Variants in KMT2C observed in about 807,000 individuals in gnomAD.
KMT2C encodes the protein histone-lysine N-methyltransferase 2C.
Under a neutral mutation model 507.9 loss-of-function variants are expected in KMT2C, and 88 were observed. That is an observed-to-expected ratio of 0.17 (90% CI 0.15 to 0.21). KMT2C has a LOEUF of 0.21. Among genes scored for constraint, KMT2C ranks in the 10% least tolerant of loss-of-function variants. The pLI is 1.00. For synonymous variants in KMT2C, 2,049 were observed against 2,080.8 expected (o/e 0.98, Z 0.42); for missense variants, 4,954 against 5,957.8 (o/e 0.83, Z 5.55).
intron 2 of KMT2C, among the ~76,000 whole-genome samples, chr7:152,337,172 A>C (rs2129216725): frequency 6.6e-6 from 1 of 152,320 alleles, no homozygotes; most frequent in Non-Finnish European, 1.5e-5. Flanking sequence ...CAGGAGGCTG[A>C]GGTGGAAGAA....
In KMT2C at chr7:152,182,515, T is replaced by C; in HGVS notation, c.5345A>G (p.Gln1782Arg). ...AGAACCAAATTGCTGTTGTTGCTGC[T>C]GCTGCTGCTCATTTTTCACCTGTTC... is the stretch of plus-strand genomic sequence containing the variant. ...KLEQVKNEQQ[Q>R]QQQQQFGSQH... The change falls in exon 36 of 59, where the codon CAG becomes CGG. Residue 1782 changes from glutamine (Q) to arginine (R), a missense_variant. Gln to Arg is a conservative substitution (Grantham distance 43). This residue lies in a region of KMT2C where 16 missense variants were observed against 42.6 expected (regional missense o/e 0.38). Transcript: ENST00000262189. 1.2e-6 allele frequency: 2 copies of C among 1,613,892 alleles called. No individual in the cohort carries two copies. The highest frequency in any genetic ancestry group is 1.3e-5 in the African/African-American group (1 of 75,066).
At chr7:152,219,321 A>G (rs2129144879) in intron 23 of KMT2C, among the ~76,000 whole-genome samples, 1 of 152,330 alleles carries the variant, frequency 6.6e-6, no homozygotes, top group South Asian at 2.1e-4. Flanking sequence ...CAAACACATT[A>G]TAATTAACTG....
intron 2 of KMT2C, among the ~76,000 whole-genome samples, chr7:152,345,457 A>C (rs535037930): frequency 6.6e-6 from 1 of 152,304 alleles, no homozygotes; most frequent in East Asian, 1.9e-4. Flanking sequence ...ATAAAGAAGA[A>C]TCACTTTGAG....
intron 4 of KMT2C, among the ~76,000 whole-genome samples, chr7:152,314,522 C>G (rs1323409529): frequency 7.4e-6 from 1 of 136,054 alleles, no homozygotes; most frequent in Non-Finnish European, 1.6e-5. Flanking sequence ...ATACACACAT[C>G]ATTACAAAAA....
rs35832014 is a variant in KMT2C, at chr7:152,188,575, C to CAA, written c.4661-730_4661-729dup. 3.4e-3 allele frequency among the ~76,000 whole-genome samples: 374 copies of CAA among 110,286 alleles called. 5 individuals are homozygous for CAA. Among genetic ancestry groups the CAA allele is most frequent in the African/African-American group, 0.011 (321 of 29,836 alleles). 72.4% of individuals were successfully genotyped at this position (110,286 alleles called of 152,430 possible). On this transcript the variant is annotated intron_variant, in intron 31 of 58. Coordinates refer to ENST00000262189, the MANE Select transcript of KMT2C (RefSeq NM_170606.3). The stretch of plus-strand genomic sequence containing the variant: ...ATTTTATTCCTGTTCCTCTTAATAC[C>CAA]AAAAAAAAAAAAAAATCTATGATTC...
chr7:152,411,438 G>A (rs2097682245), intron 1 of KMT2C, among the ~76,000 whole-genome samples: 1 of 150,886 alleles, frequency 6.6e-6, no homozygotes, highest in Non-Finnish European at 1.5e-5. Context: ...ATGGCCCAGA[G>A]AATCTCTGAC....
At chr7:152,195,448 T>C (rs2093934434) in intron 28 of KMT2C, 1 of 687,790 alleles carries the variant, frequency 1.5e-6, no homozygotes, top group Non-Finnish European at 1.8e-6. Flanking sequence ...CACCTACAGG[T>C]TGTTTCAGCT....
At chr7:152,366,399 T>C (rs1350500669) in intron 1 of KMT2C, among the ~76,000 whole-genome samples, 2 of 152,168 alleles carry the variant, frequency 1.3e-5, no homozygotes, top group African/African-American at 2.4e-5. Context: ...TGGAATACTA[T>C]GCAGCCTTAA....
In KMT2C at chr7:152,342,419, C is replaced by A. The variant is rs553828995; in HGVS notation, c.251-11680G>T. ...ATAATCCATTCCACTATAGTTAGAA[C>A]TGGCTTACCAAATTAGAAAAGGGAT... On this transcript the variant is annotated intron_variant, in intron 2 of 58. Transcript: ENST00000262189. 2.6e-5 allele frequency among the ~76,000 whole-genome samples: 4 copies of A among 152,232 alleles called. No individual in the cohort carries two copies. In the South Asian group the frequency reaches 8.3e-4, roughly 32 times the overall value.
At chr7:152,173,861 A>T (rs1281578636) in intron 39 of KMT2C, among the ~76,000 whole-genome samples, 1 of 152,218 alleles carries the variant, frequency 6.6e-6, no homozygotes, top group Non-Finnish European at 1.5e-5. Context: ...TGACTTGAGT[A>T]ATCAGGAAAT....
rs749943795 is a variant in KMT2C, at chr7:152,205,130, C to G, written c.3937G>C (p.Glu1313Gln). The G allele has an allele frequency of 2.5e-6, 4 of 1,612,416 alleles. No homozygotes were observed. Reference sequence around the variant, plus strand: ...CCATCATCTCTGCAAGGTAACTGCTCGGAAATAGAGCCTGAGGAATCTTTT... The same window carrying G: ...CCATCATCTCTGCAAGGTAACTGCTGGGAAATAGAGCCTGAGGAATCTTTT... ...IRKDSSGSIS[E>Q]QLPCRDDGWS... The change falls in exon 25 of 59, where the codon GAG (glutamate) becomes CAG (glutamine). Residue 1313 changes from glutamate (E) to glutamine (Q), a missense_variant. Glu to Gln is a conservative substitution (Grantham distance 29). Transcript: ENST00000262189.
At chr7:152,390,161 A>G (rs1438776153) in intron 1 of KMT2C, among the ~76,000 whole-genome samples, 1 of 152,180 alleles carries the variant, frequency 6.6e-6, no homozygotes, top group Non-Finnish European at 1.5e-5. Flanking sequence ...TCGGCATTAC[A>G]TAATCTAGCC....
At chr7:152,200,161 G>A (rs1349595559) in intron 26 of KMT2C, among the ~76,000 whole-genome samples, 4 of 152,020 alleles carry the variant, frequency 2.6e-5, no homozygotes, top group Admixed American at 2.6e-4. Flanking sequence ...AGTCTATCTG[G>A]AAAAAGGATC....
chr7:152,154,522 C>G (rs2129098945), intron 46 of KMT2C, 77 bp from the exon 47 acceptor site: 1 of 1,234,886 alleles, frequency 8.1e-7, no homozygotes, highest in Non-Finnish European at 1.2e-6. Context: ...CTGCTGACAT[C>G]TGTGAATACA....
intron 6 of KMT2C, among the ~76,000 whole-genome samples, chr7:152,295,993 A>G (rs1340652277): frequency 2.1e-5 from 3 of 144,754 alleles, no homozygotes; most frequent in African/African-American, 7.8e-5. Flanking sequence ...GCGTGAACCC[A>G]GGAGACAGAG....
rs993860373 is a variant in KMT2C, at chr7:152,323,241, T to C, written c.389+7360A>G. 3.3e-5 allele frequency among the ~76,000 whole-genome samples: 5 copies of C among 152,054 alleles called. 1 individual carries two copies. The highest frequency in any genetic ancestry group is 7.4e-5 in the Non-Finnish European group (5 of 67,990). On this transcript the variant is annotated intron_variant, in intron 3 of 58. Transcript: ENST00000262189. The stretch of plus-strand genomic sequence containing the variant: ...CTGCATGCCCATGCTTACTACAGCA[T>C]TACTTACAATAGCCAGATATGGAAT...
intron 25 of KMT2C, among the ~76,000 whole-genome samples, chr7:152,204,532 GGCT>G (rs2129136696): frequency 6.6e-6 from 1 of 152,124 alleles, no homozygotes; most frequent in East Asian, 1.9e-4. Context: ...AGGAGTGCAA[GGCT>G]GCAGTGACCC....
intron 6 of KMT2C, among the ~76,000 whole-genome samples, chr7:152,281,577 C>CAA (rs1477392501): frequency 3.3e-5 from 5 of 150,534 alleles, no homozygotes; most frequent in African/African-American, 9.7e-5. Context: ...ATTAAAAATA[C>CAA]AAAAATTAGC....
chr7:152,164,737 A>C (rs2092653556), intron 42 of KMT2C, among the ~76,000 whole-genome samples: 1 of 152,230 alleles, frequency 6.6e-6, no homozygotes, highest in Non-Finnish European at 1.5e-5. Flanking sequence ...CCGAGGAAGT[A>C]TTTTGAATAG....
Sources: allele counts gnomAD v4.1 joint callset (sites outside exome capture counted in the v4.1 genomes callset), GRCh38; gene constraint gnomAD v4.1.1; regional missense constraint gnomAD v4.1.1; transcripts MANE v1.5; gene names NCBI Gene and HGNC (gene_info 2026-07-23, HGNC 2026-07-21).